ELL: variants seen among roughly 807,000 people sequenced by gnomAD.
ELL encodes the protein elongation factor for RNA polymerase II.
A neutral mutation model predicts 64.0 loss-of-function variants in ELL; 18 were observed. That is an observed-to-expected ratio of 0.28 (90% CI 0.19 to 0.42). ELL has a LOEUF of 0.42. Ranked by LOEUF, ELL falls within the 10% of genes least tolerant of loss-of-function variation. The pLI is 1.00. For synonymous variants in ELL, 399 were observed against 376.2 expected (o/e 1.06, Z -0.70); for missense variants, 797 against 870.4 (o/e 0.92, Z 1.06).
intron 1 of ELL, among the ~76,000 whole-genome samples, chr19:18,506,141 CT>C (rs981679337): frequency 2.0e-5 from 3 of 152,228 alleles, no homozygotes; most frequent in Non-Finnish European, 4.4e-5. Context: ...GCTGCTGCCC[CT>C]GGCACTCAGG....
In ELL at chr19:18,446,333, G is replaced by A. The variant is rs939939525; in HGVS notation, c.1680C>T (p.Leu560=). The change falls in exon 10 of 12, where the codon CTC becomes CTT. Residue 560 remains leucine (L), a synonymous_variant. Transcript: ENST00000262809. ...FTQLDAQLRQ[L]SQGSEEYETT... The stretch of plus-strand genomic sequence containing the variant: ...CCTCATACTCCTCGGAGCCCTGGGA[G>A]AGCTGCCGGAGCTGGGCGTCGAGCT... 1.9e-6 allele frequency: 3 copies of A among 1,596,198 alleles called. No homozygotes were observed. The highest frequency in any genetic ancestry group is 1.8e-5 in the Admixed American group (1 of 56,850).
intron 6 of ELL, among the ~76,000 whole-genome samples, chr19:18,453,258 G>A (rs1458477913): frequency 2.0e-5 from 3 of 152,206 alleles, no homozygotes; most frequent in East Asian, 1.9e-4. Context: ...TGGGCAACAA[G>A]ACCGAGACTC....
chr19:18,445,535 CGT>C (rs1158755543), intron 10 of ELL: 1 of 2,688 alleles, frequency 3.7e-4, no homozygotes, highest in African/African-American at 2.0e-3. Flanking sequence ...GTATCCATGT[CGT>C]GGGGGGGTGG....
chr19:18,503,684 G>C (rs1361374145), intron 1 of ELL, among the ~76,000 whole-genome samples: 2 of 152,176 alleles, frequency 1.3e-5, no homozygotes, highest in Non-Finnish European at 2.9e-5. Flanking sequence ...GACGGGACCT[G>C]TTACTCTGGC....
chr19:18,514,827 G>T (rs996470601), intron 1 of ELL, among the ~76,000 whole-genome samples: 1 of 152,200 alleles, frequency 6.6e-6, no homozygotes, highest in Non-Finnish European at 1.5e-5. Flanking sequence ...GCCCTGCCAG[G>T]TGCCTTAAAC....
intron 1 of ELL, among the ~76,000 whole-genome samples, chr19:18,487,977 C>T (rs1975454086): frequency 6.6e-6 from 1 of 152,192 alleles, no homozygotes; most frequent in South Asian, 2.1e-4. Context: ...CCTGTGCCTG[C>T]CGGCCCCACC....
At position 18,450,598 on chromosome 19, in the gene ELL, G is replaced by A; in HGVS notation, c.1344C>T (p.Pro448=). The change falls in exon 8 of 12, where the codon CCC becomes CCT. Residue 448 remains proline, a synonymous_variant. Transcript: ENST00000262809. The stretch of plus-strand genomic sequence containing the variant: ...CTTTGTGCTTCTTGGACTTCTTCTT[G>A]GGCTTGCTGCGCGAGGGGCTGCCGT... ...RPHGSPSRSK[P]KKKSKKHKDK... 6.2e-7 allele frequency: 1 copy of A among 1,612,370 alleles called. No homozygotes were observed. Among genetic ancestry groups the A allele is most frequent in the African/African-American group, 1.3e-5 (1 of 74,972 alleles).
At chr19:18,491,518 T>C (rs1050713935) in intron 1 of ELL, among the ~76,000 whole-genome samples, 2 of 152,066 alleles carry the variant, frequency 1.3e-5, no homozygotes, top group Non-Finnish European at 2.9e-5. Flanking sequence ...ACTCTAGGCT[T>C]GAGCTGCAAC....
intron 1 of ELL, among the ~76,000 whole-genome samples, chr19:18,487,345 C>T (rs956130304): frequency 5.3e-5 from 8 of 152,190 alleles, no homozygotes; most frequent in African/African-American, 1.2e-4. Context: ...GGAGGTGCCA[C>T]GAGAGCCAGG....
chr19:18,484,766 T>C (rs1014988109), intron 1 of ELL, among the ~76,000 whole-genome samples: 3 of 152,232 alleles, frequency 2.0e-5, no homozygotes, highest in African/African-American at 7.2e-5. Context: ...GTTTTGTTTT[T>C]CTTTTTAATC....
chr19:18,505,858 C>A (rs957352210), intron 1 of ELL, among the ~76,000 whole-genome samples: 4 of 152,184 alleles, frequency 2.6e-5, no homozygotes, highest in African/African-American at 9.7e-5. Context: ...GACCTCCCAC[C>A]CACAGGATGA....
intron 1 of ELL, among the ~76,000 whole-genome samples, chr19:18,521,076 C>G (rs1027774011): frequency 3.3e-5 from 5 of 152,108 alleles, no homozygotes; most frequent in Admixed American, 1.3e-4. Flanking sequence ...AAACTTCCCC[C>G]AGATGGGCCC....
intron 1 of ELL, among the ~76,000 whole-genome samples, chr19:18,519,762 G>A (rs1429333235): frequency 2.0e-5 from 3 of 148,734 alleles, no homozygotes; most frequent in Non-Finnish European, 3.0e-5. Context: ...AGCCGGGATC[G>A]CGCCACCTCA....
At position 18,472,847 on chromosome 19, in the gene ELL, T is replaced by A; in HGVS notation, c.171A>T (p.Gln57His). The change falls in exon 2 of 12, where the codon CAA becomes CAT. Residue 57 changes from glutamine (Q) to histidine (H), a missense_variant. Coordinates refer to ENST00000262809, the MANE Select transcript of ELL (RefSeq NM_006532.4). ...GACAAAAACTTACCCCTTGGCTTCC[T>A]TGAAATCGGATAGATGGCCTCAGTG... ...SVSLRPSIRF[Q>H]GSQGHISIPQ... The A allele has an allele frequency of 1.2e-6, 2 of 1,602,236 alleles. No individual in the cohort carries two copies. Among genetic ancestry groups the A allele is most frequent in the East Asian group, 4.5e-5 (2 of 44,698 alleles).
rs1388387783 is a variant in ELL, at chr19:18,443,853, G to C, written c.*899C>G. On this transcript the variant is annotated 3_prime_UTR_variant, in exon 12 of 12. Coordinates refer to ENST00000262809, the MANE Select transcript of ELL (RefSeq NM_006532.4). The stretch of plus-strand genomic sequence containing the variant: ...CCCAGGACCCACAAGTGGACAGAGG[G>C]ACGGAGGGAGGCCAGCAGCATCGAG... 8.6e-6 allele frequency: 2 copies of C among 233,018 alleles called. No homozygotes were observed. Among genetic ancestry groups the C allele is most frequent in the African/African-American group, 4.4e-5 (2 of 45,326 alleles). The allele number at this position is 233,018 out of a possible 1,614,324, so 14.4% of individuals were successfully genotyped here.
At chr19:18,469,993 C>T (rs1401466302) in intron 2 of ELL, among the ~76,000 whole-genome samples, 1 of 152,218 alleles carries the variant, frequency 6.6e-6, no homozygotes, top group Non-Finnish European at 1.5e-5. Context: ...TGGCCCAGGA[C>T]CAAGAGCCCC....
intron 6 of ELL, among the ~76,000 whole-genome samples, chr19:18,453,054 C>A (rs1178456421): frequency 6.6e-6 from 1 of 152,126 alleles, no homozygotes; most frequent in Non-Finnish European, 1.5e-5. Context: ...GGCGGATCAC[C>A]TAAGGTCAGG....
At position 18,444,053 on chromosome 19, in the gene ELL, A is replaced by C. The variant is rs1374699626; in HGVS notation, c.*699T>G. The C allele has an allele frequency of 4.3e-6, 1 of 231,824 alleles. No homozygotes were observed. Among genetic ancestry groups the C allele is most frequent in the Non-Finnish European group, 8.5e-6 (1 of 117,244 alleles). The allele number at this position is 231,824 out of a possible 1,614,324, so 14.4% of individuals were successfully genotyped here. A position where few individuals can be genotyped will look rare whatever the true frequency, so the allele number is the denominator to read the frequency against. ...AGCAGGGCAGGCCTGGGGGCGCTGA[A>C]AGCCCTCTGCCCCCTTGGCTCTGAG... On this transcript the variant is annotated 3_prime_UTR_variant, in exon 12 of 12. Transcript: ENST00000262809.
Position 18,465,573 on chromosome 19 carries a change from T to G in ELL, c.308A>C (p.His103Pro). The stretch of plus-strand genomic sequence containing the variant: ...CAGGCAGTCCAGGTGAACTTCCCCA[T>G]GACTGCAAGACAAGGCCAGGAGCTG... Reference protein sequence around the residue: ...FDCIQQYVSSHGEVHLDCLGS... With the variant: ...FDCIQQYVSSPGEVHLDCLGS... The change falls in exon 4 of 12, where the codon CAT becomes CCT. Residue 103 changes from histidine to proline, a missense_variant and splice_region_variant. By Grantham distance (77) the His-to-Pro change is moderately conservative (BLOSUM62 -2). Coordinates refer to ENST00000262809, the MANE Select transcript of ELL (RefSeq NM_006532.4). 6.3e-7 allele frequency: 1 copy of G among 1,589,460 alleles called. No individual in the cohort carries two copies. Among genetic ancestry groups the G allele is most frequent in the South Asian group, 1.1e-5 (1 of 89,612 alleles).
Sources: allele counts gnomAD v4.1 joint callset (sites outside exome capture counted in the v4.1 genomes callset), GRCh38; gene constraint gnomAD v4.1.1; transcripts MANE v1.5; gene names NCBI Gene and HGNC (gene_info 2026-07-23, HGNC 2026-07-21).